The following YJU2 variants were observed in gnomAD, a reference collection of about 807,000 sequenced individuals.
The protein encoded by YJU2 is splicing factor YJU2.
YJU2 carries 28 observed loss-of-function variants against 39.6 expected under a neutral mutation model. That is an observed-to-expected ratio of 0.71 (90% CI 0.52 to 0.97). The LOEUF (loss-of-function observed/expected upper bound fraction) is 0.97, where lower values mean the gene tolerates loss of function less well. YJU2 is among the 50% of genes least tolerant of loss of function. The pLI is 0.00. For synonymous variants in YJU2, 184 were observed against 182.4 expected, an observed-to-expected ratio of 1.01 and a Z score of -0.07; for missense variants, 328 against 430.4, an observed-to-expected ratio of 0.76 and a Z score of 2.11.
Position 4,268,833 on chromosome 19 carries a change from C to T in YJU2, c.*137C>T. 1 of 642,054 alleles carries T rather than the reference C, an allele frequency of 1.6e-6. No homozygotes were observed. The highest frequency in any genetic ancestry group is 2.7e-6 in the Non-Finnish European group (1 of 366,970). The allele number at this position is 642,054 out of a possible 1,614,324, so 39.8% of individuals were successfully genotyped here. A position where few individuals can be genotyped will look rare whatever the true frequency, so the allele number is the denominator to read the frequency against. The stretch of plus-strand genomic sequence containing the variant: ...ACAGACAAGCGCCAGCGTGCTCCAA[C>T]ACATAGGGCCACCAGGGGCCTCAGC... On this transcript the variant is annotated 3_prime_UTR_variant, in exon 8 of 8. Transcript: ENST00000262962.
At position 4,268,719 on chromosome 19, in the gene YJU2, G is replaced by T; in HGVS notation, c.*23G>T. The T allele has an allele frequency of 6.4e-7, 1 of 1,551,146 alleles. No individual in the cohort carries two copies. The highest frequency in any genetic ancestry group is 8.9e-7 in the Non-Finnish European group (1 of 1,126,706). On this transcript the variant is annotated 3_prime_UTR_variant, in exon 8 of 8. Transcript: ENST00000262962. ...TGAGCCCTCCCAGGACCCCCTCACG[G>T]GGTCAAAGTCACACGTCCAGCTTCA...
Position 4,262,091 on chromosome 19 carries a change from A to C in YJU2, c.685A>C (p.Asn229His). Reference sequence around the variant, plus strand: ...GCCCCTGCAGCCAGCCCTTCGGCCCAACCCCACCGCCATCCTGGATGAGGT... The same window carrying C: ...GCCCCTGCAGCCAGCCCTTCGGCCCCACCCCACCGCCATCCTGGATGAGGT... The part of the protein sequence containing the change: ...PSPLQPALRP[N>H]PTAILDEAPK... Residue 229 changes from asparagine to histidine, a missense_variant, in exon 6 of 8, where the codon AAC becomes CAC. Asn to His is a moderately conservative substitution (Grantham distance 68). Around this residue, in one of 2 missense-constraint regions of YJU2, gnomAD observed 244 missense variants for 264.6 expected, o/e 0.92. Transcript: ENST00000262962. The C allele has an allele frequency of 6.2e-7, 1 of 1,611,168 alleles. No homozygotes were observed. The highest frequency in any genetic ancestry group is 2.2e-5 in the East Asian group (1 of 44,874).
chr19:4,256,729 G>C lies in YJU2; in HGVS notation c.406-1513G>C, dbSNP rs1452203645. ...TCTGAAGGCTGGACTGGGGCTGGAG[G>C]AGCCACTCGCAAACTGGCTCCCTCT... On this transcript the variant is annotated intron_variant, in intron 4 of 7. Coordinates refer to ENST00000262962, the MANE Select transcript of YJU2 (RefSeq NM_018074.6). Among the ~76,000 whole-genome samples, 2 of 152,296 alleles carry C rather than the reference G, an allele frequency of 1.3e-5. 1 individual carries two copies. The highest frequency in any genetic ancestry group is 3.9e-4 in the East Asian group (2 of 5,188).
rs776823351 is a variant in YJU2 at position 4,247,189 on chromosome 19, G to C, written c.24+19G>C. On this transcript the variant is annotated intron_variant, in intron 1 of 7. Transcript: ENST00000262962. ...ATTAAACGTAAGTGTTGGGCGACTGGGGCTTTTCAATCGGAGCAGGACATC... is the reference window on the plus strand; with the variant it reads ...ATTAAACGTAAGTGTTGGGCGACTGCGGCTTTTCAATCGGAGCAGGACATC... 2.5e-6 allele frequency: 4 copies of C among 1,612,446 alleles called. No homozygotes were observed. Among genetic ancestry groups the C allele is most frequent in the Non-Finnish European group, 2.5e-6 (3 of 1,178,658 alleles).
At chr19:4,265,915 T>C (rs1971111639) in intron 6 of YJU2, among the ~76,000 whole-genome samples, 2 of 151,394 alleles carry the variant, frequency 1.3e-5, no homozygotes, top group African/African-American at 2.4e-5. Flanking sequence ...GCCTTTTGAC[T>C]TCTTTTCCTC....
At chr19:4,249,142 A>G (rs1970954932) in intron 1 of YJU2, 86 bp from the exon 2 acceptor site, 2 of 898,048 alleles carry the variant, frequency 2.2e-6, no homozygotes, top group South Asian at 1.6e-5. Context: ...GACCCCCGAC[A>G]CAGCTCCCCA....
rs551852467 is a variant in YJU2 at position 4,254,176 on chromosome 19, A to T, written c.271-179A>T. 2.0e-5 allele frequency among the ~76,000 whole-genome samples: 3 copies of T among 152,238 alleles called. No individual in the cohort carries two copies. In the East Asian group the frequency reaches 5.8e-4, roughly 29 times the overall value. ...GCCAGGGAGTTGGGCATTTTTGCCCATGGAGATGGGAGGAGCACTAGGAAG... is the reference window on the plus strand; with the variant it reads ...GCCAGGGAGTTGGGCATTTTTGCCCTTGGAGATGGGAGGAGCACTAGGAAG... On this transcript the variant is annotated intron_variant, in intron 3 of 7. Transcript: ENST00000262962.
intron 1 of YJU2, 172 bp downstream of exon 1, chr19:4,247,342 G>T (rs767889115): frequency 5.8e-5 from 34 of 587,100 alleles, no homozygotes; most frequent in Admixed American, 2.0e-4. Flanking sequence ...CTTCCGTCGG[G>T]GGGGTGGGCC....
In YJU2 at chr19:4,247,619, GT is replaced by G. The variant is rs1357140540; in HGVS notation, c.24+450del. On this transcript the variant is annotated intron_variant, in intron 1 of 7. Transcript: ENST00000262962. ...TGTGTGTGTGTGTGTGTGTGTGTGT[GT>G]GTGTGTGTGTGTGTGTGTGTGTGTG... Among the ~76,000 whole-genome samples, 131 of 39,554 alleles carry G rather than the reference GT, an allele frequency of 3.3e-3. 11 individuals are homozygous for G. The highest frequency in any genetic ancestry group is 9.1e-3 in the East Asian group (11 of 1,212). 25.9% of individuals were successfully genotyped at this position (39,554 alleles called of 152,430 possible).
At chr19:4,247,339 CG>C (rs1568359322) in intron 1 of YJU2, 169 bp downstream of exon 1, 22 of 593,344 alleles carry the variant, frequency 3.7e-5, no homozygotes, top group South Asian at 6.2e-5. Context: ...CGCCTTCCGT[CG>C]GGGGGGTGGG....
intron 6 of YJU2, among the ~76,000 whole-genome samples, chr19:4,263,335 C>T (rs549098855): frequency 1.0e-3 from 157 of 152,150 alleles, no homozygotes; most frequent in Non-Finnish European, 1.8e-3. Context: ...AGAGCACCTT[C>T]AGGGTCCGGC....
intron 4 of YJU2, among the ~76,000 whole-genome samples, chr19:4,256,185 T>A (rs77126971): frequency 0.12 from 12,218 of 105,576 alleles, 712 homozygotes; most frequent in East Asian, 0.14. Context: ...AAAAAAAATA[T>A]ATATATATAT....
At chr19:4,262,381 G>T (rs1034324442) in intron 6 of YJU2, among the ~76,000 whole-genome samples, 1 of 152,144 alleles carries the variant, frequency 6.6e-6, no homozygotes, top group East Asian at 2.0e-4. Context: ...TGTATTTTTA[G>T]TAGAGATGGG....
At chr19:4,265,220 A>G (rs909451832) in intron 6 of YJU2, among the ~76,000 whole-genome samples, 2 of 151,988 alleles carry the variant, frequency 1.3e-5, no homozygotes, top group Non-Finnish European at 2.9e-5. Context: ...ATAGGAAGGA[A>G]TATCTCCACA....
chr19:4,252,908 A>G (rs886182822), intron 3 of YJU2, among the ~76,000 whole-genome samples: 1 of 152,198 alleles, frequency 6.6e-6, no homozygotes, highest in East Asian at 1.9e-4. Context: ...CCTGAGTGAC[A>G]GAGTGAGACC....
chr19:4,247,638 T>C lies in YJU2; in HGVS notation c.24+468T>C, dbSNP rs1456685746. Among the ~76,000 whole-genome samples the C allele has an allele frequency of 4.4e-3, 203 of 46,294 alleles. 14 individuals carry two copies. Among genetic ancestry groups the C allele is most frequent in the Middle Eastern group, 0.025 (2 of 80 alleles). The allele number at this position is 46,294 out of a possible 152,430, so 30.4% of individuals were successfully genotyped here. On this transcript the variant is annotated intron_variant, in intron 1 of 7. Coordinates refer to ENST00000262962, the MANE Select transcript of YJU2 (RefSeq NM_018074.6). ...GTGTGTGTGTGTGTGTGTGTGTGTG[T>C]GTGTGTGTGTGTGTGTGTGTGTGTG... is the stretch of plus-strand genomic sequence containing the variant.
chr19:4,256,046 C>T (rs1362148868), intron 4 of YJU2, among the ~76,000 whole-genome samples: 14 of 151,148 alleles, frequency 9.3e-5, no homozygotes, highest in Non-Finnish European at 2.9e-5. Context: ...TACTGGTGTG[C>T]ACCTGTGGTC....
Position 4,267,790 on chromosome 19 carries a change from T to C in YJU2, c.859+16T>C. On this transcript the variant is annotated intron_variant, in intron 7 of 7. Transcript: ENST00000262962. ...CCCACCCCAGGTAAGGTCACAGAGT[T>C]CCCAGAGCCGGGCGCGGTTTCTATA... 1 of 1,605,124 alleles carries C rather than the reference T, an allele frequency of 6.2e-7. No individual in the cohort carries two copies.
At chr19:4,253,809 T>C (rs944194061) in intron 3 of YJU2, among the ~76,000 whole-genome samples, 3 of 148,418 alleles carry the variant, frequency 2.0e-5, no homozygotes, top group Non-Finnish European at 3.0e-5. Flanking sequence ...AATCACAACA[T>C]GTGCAGAACC....
Sources: gnomAD v4.1 joint callset for allele counts (sites outside exome capture counted in the v4.1 genomes callset) on GRCh38, gnomAD v4.1.1 for gene constraint, gnomAD v4.1.1 regional missense constraint, MANE v1.5 for transcripts, NCBI Gene and HGNC (gene_info 2026-07-23, HGNC 2026-07-21) for gene names.